FAM185A: variants seen among roughly 807,000 people sequenced by gnomAD.
FAM185A encodes family with sequence similarity 185 member A.
Under a neutral mutation model 45.7 loss-of-function variants are expected in FAM185A, and 21 were observed. The ratio of observed to expected loss-of-function variants is 0.46; its 90% CI spans 0.33 to 0.66. The LOEUF (loss-of-function observed/expected upper bound fraction) is 0.66, where lower values mean the gene tolerates loss of function less well. FAM185A is among the 30% of genes least tolerant of loss of function. The probability of loss-of-function intolerance (pLI) is 0.03; values close to 1 mark genes in which losing one functional copy is unlikely to be tolerated. For synonymous variants in FAM185A, 117 were observed against 194.0 expected (o/e 0.60, Z 3.30); for missense variants, 305 against 485.4 (o/e 0.63, Z 3.49).
chr7:102,787,245 A>G, intron 6 of FAM185A, 90 bp from the exon 7 acceptor site: 1 of 974,166 alleles, frequency 1.0e-6, no homozygotes, highest in Non-Finnish European at 1.4e-6. Flanking sequence ...GTGTCTCAGG[A>G]GCAATGCTAC....
intron 7 of FAM185A, among the ~76,000 whole-genome samples, chr7:102,798,823 C>G (rs1457547626): frequency 2.0e-5 from 3 of 151,998 alleles, no homozygotes. Context: ...TCTCGGCTCA[C>G]TGCAACCTCT....
downstream of FAM185A, chr7:102,813,614 A>T: frequency 7.1e-7 from 1 of 1,400,936 alleles, no homozygotes; most frequent in East Asian, 2.3e-5. Flanking sequence ...ATTTGGAGTT[A>T]GGGAATTCAC....
chr7:102,836,591 A>G, the FAM185A span, among the ~76,000 whole-genome samples: 1 of 152,234 alleles, frequency 6.6e-6, no homozygotes, highest in Non-Finnish European at 1.5e-5. Context: ...TAAAAATGCA[A>G]ACATTATCAA....
chr7:102,821,166 T>C, the FAM185A span, among the ~76,000 whole-genome samples: 1,529 of 152,294 alleles, frequency 0.01, 22 homozygotes, highest in African/African-American at 0.035. Flanking sequence ...TTTCATTGTA[T>C]ATCCTTTAAA....
the FAM185A span, among the ~76,000 whole-genome samples, chr7:102,831,499 A>G: frequency 9.2e-5 from 14 of 152,200 alleles, no homozygotes; most frequent in East Asian, 2.7e-3. Context: ...AGAATTTAGG[A>G]AATAAATCTC....
downstream of FAM185A, among the ~76,000 whole-genome samples, chr7:102,812,149 AAC>A (rs1797470305): frequency 6.6e-6 from 1 of 152,220 alleles, no homozygotes; most frequent in Non-Finnish European, 1.5e-5. Context: ...CGGCAGTCAG[AAC>A]AGAGTTGTGT....
the FAM185A span, among the ~76,000 whole-genome samples, chr7:102,850,671 C>A: frequency 2.6e-5 from 4 of 152,160 alleles, no homozygotes; most frequent in South Asian, 8.3e-4. Flanking sequence ...AGGTTACATA[C>A]ATCTAAATGA....
At chr7:102,816,718 T>G in the FAM185A span, among the ~76,000 whole-genome samples, 1 of 152,186 alleles carries the variant, frequency 6.6e-6, no homozygotes, top group Admixed American at 6.6e-5. Context: ...ATCAGCCAAA[T>G]AGTGAACATA....
At chr7:102,771,439 T>C (rs1794736526) in intron 4 of FAM185A, among the ~76,000 whole-genome samples, 1 of 152,234 alleles carries the variant, frequency 6.6e-6, no homozygotes, top group South Asian at 2.1e-4. Flanking sequence ...CTTGTTCATA[T>C]ACTCACAAGA....
At chr7:102,775,228 C>T (rs1165299561) in intron 5 of FAM185A, among the ~76,000 whole-genome samples, 3 of 152,090 alleles carry the variant, frequency 2.0e-5, no homozygotes, top group Non-Finnish European at 4.4e-5. Flanking sequence ...ATCAAGTTTA[C>T]AGTACAGTAT....
chr7:102,758,426 G>GATTTTTTTTTTTTTTTTTTTTTTTTTTTT (rs1562845336), intron 3 of FAM185A, among the ~76,000 whole-genome samples: 1 of 95,864 alleles, frequency 1.0e-5, no homozygotes. Flanking sequence ...TGCTCTCACA[G>GATTTTTTTTTTTTTTTTTTTTTTTTTTTT]CTTTTTTTTT....
intron 6 of FAM185A, among the ~76,000 whole-genome samples, chr7:102,779,554 T>C (rs1411345506): frequency 4.6e-5 from 7 of 151,738 alleles, no homozygotes; most frequent in Non-Finnish European, 7.4e-5. Flanking sequence ...GAAAGTATGT[T>C]TGGTAGAAAA....
chr7:102,801,337 AC>A (rs1375372804), intron 7 of FAM185A, among the ~76,000 whole-genome samples: 3 of 152,208 alleles, frequency 2.0e-5, no homozygotes, highest in Admixed American at 6.5e-5. Flanking sequence ...AAACAAAAAA[AC>A]AAAGTACACA....
chr7:102,835,810 C>T, the FAM185A span, among the ~76,000 whole-genome samples: 13 of 151,314 alleles, frequency 8.6e-5, no homozygotes, highest in Non-Finnish European at 1.8e-4. Context: ...GGGGTTTCAC[C>T]GTTTTAGCCG....
chr7:102,759,265 T>C (rs1394943136), intron 3 of FAM185A, among the ~76,000 whole-genome samples: 1 of 152,118 alleles, frequency 6.6e-6, no homozygotes, highest in African/African-American at 2.4e-5. Flanking sequence ...AAGAATTTAA[T>C]ATCTTAATCA....
intron 1 of FAM185A, among the ~76,000 whole-genome samples, chr7:102,750,361 GTAA>G (rs1262899240): frequency 6.6e-6 from 1 of 152,074 alleles, no homozygotes; most frequent in Non-Finnish European, 1.5e-5. Context: ...GATGATGATA[GTAA>G]TAATAATAGC....
Position 102,751,738 on chromosome 7 carries a change from T to C in FAM185A, c.498T>C (p.Ser166=). 6.4e-6 allele frequency: 10 copies of C among 1,551,570 alleles called. No homozygotes were observed. The highest frequency in any genetic ancestry group is 8.7e-6 in the Non-Finnish European group (10 of 1,146,798). Residue 166 remains serine (S), a synonymous_variant, in exon 2 of 8, where the codon AGT becomes AGC. Coordinates refer to ENST00000413034, the MANE Select transcript of FAM185A (RefSeq NM_001145268.2). ...SSGSGCVKVQ[S]IEGDNCKIET... ...GGTCTGGCTGTGTAAAAGTTCAAAGTATTGAGGGTGATAATTGCAAAATTG... is the reference window on the plus strand; with the variant it reads ...GGTCTGGCTGTGTAAAAGTTCAAAGCATTGAGGGTGATAATTGCAAAATTG...
At chr7:102,834,032 T>G in the FAM185A span, among the ~76,000 whole-genome samples, 3 of 75,470 alleles carry the variant, frequency 4.0e-5, no homozygotes, top group African/African-American at 1.2e-4. Flanking sequence ...GAAACCATGA[T>G]GAAGGAAGGA....
At chr7:102,758,266 A>G (rs1056623103) in intron 3 of FAM185A, among the ~76,000 whole-genome samples, 8 of 152,064 alleles carry the variant, frequency 5.3e-5, no homozygotes, top group South Asian at 2.1e-4. Context: ...AAGTAATATC[A>G]CCAGTAACTG....
Sources: allele counts gnomAD v4.1 joint callset (sites outside exome capture counted in the v4.1 genomes callset), GRCh38; gene constraint gnomAD v4.1.1; transcripts MANE v1.5; gene names NCBI Gene and HGNC (gene_info 2026-07-23, HGNC 2026-07-21).